Variants in ESR1 observed in about 807,000 individuals in gnomAD.
The protein encoded by ESR1 is estrogen receptor 1, also known as estrogen receptor.
In ESR1, 12 loss-of-function variants were observed where a neutral mutation model predicts 52.7. The ratio of observed to expected loss-of-function variants is 0.23; its 90% CI spans 0.15 to 0.37. The LOEUF (loss-of-function observed/expected upper bound fraction) is 0.37, where lower values mean the gene tolerates loss of function less well. Ranked by LOEUF, ESR1 falls within the 10% of genes least tolerant of loss-of-function variation. The probability of loss-of-function intolerance (pLI) is 1.00; values close to 1 mark genes in which losing one functional copy is unlikely to be tolerated. For synonymous variants in ESR1, 305 were observed against 316.8 expected, an observed-to-expected ratio of 0.96 and a Z score of 0.39; for missense variants, 584 against 779.7, an observed-to-expected ratio of 0.75 and a Z score of 2.99.
intron 2 of ESR1, among the ~76,000 whole-genome samples, chr6:151,750,977 A>G (rs1783859301): frequency 6.6e-6 from 1 of 152,258 alleles, no homozygotes; most frequent in Non-Finnish European, 1.5e-5. Flanking sequence ...AAAAGCAGAC[A>G]GCCTTGGAGA....
intron 2 of ESR1, among the ~76,000 whole-genome samples, chr6:151,793,228 A>G (rs938889302): frequency 6.6e-6 from 1 of 151,942 alleles, no homozygotes; most frequent in Non-Finnish European, 1.5e-5. Context: ...AGACACATGC[A>G]TTAGCCTAGG....
chr6:151,908,876 A>AT (rs397754522), intron 3 of ESR1, among the ~76,000 whole-genome samples: 10,595 of 144,570 alleles, frequency 0.073, 446 homozygotes, highest in African/African-American at 0.13. Context: ...GTTTAAAGCA[A>AT]TTTTTTTTTT....
chr6:152,005,608 A>G (rs546376822), intron 4 of ESR1, among the ~76,000 whole-genome samples: 1 of 152,204 alleles, frequency 6.6e-6, no homozygotes, highest in Non-Finnish European at 1.5e-5. Flanking sequence ...TTTATTGAGT[A>G]GCTACCATGG....
chr6:151,858,336 C>G (rs991944531), intron 2 of ESR1, among the ~76,000 whole-genome samples: 1 of 152,192 alleles, frequency 6.6e-6, no homozygotes, highest in African/African-American at 2.4e-5. Context: ...ATATTTCAGT[C>G]ACGCAGCCAG....
At chr6:152,005,636 T>TA (rs1380022736) in intron 4 of ESR1, among the ~76,000 whole-genome samples, 1 of 152,092 alleles carries the variant, frequency 6.6e-6, no homozygotes, top group Non-Finnish European at 1.5e-5. Flanking sequence ...GGACATCTGC[T>TA]AACCCCTTAA....
At chr6:151,731,093 G>A (rs1479249374) in intron 2 of ESR1, among the ~76,000 whole-genome samples, 1 of 152,114 alleles carries the variant, frequency 6.6e-6, no homozygotes, top group African/African-American at 2.4e-5. Context: ...CAGTGGCCAT[G>A]TCTGTAATCC....
chr6:151,744,514 T>C (rs1783339889), intron 2 of ESR1, among the ~76,000 whole-genome samples: 1 of 152,240 alleles, frequency 6.6e-6, no homozygotes, highest in Non-Finnish European at 1.5e-5. Context: ...TTGCATATCT[T>C]CCTTGAGAAA....
At chr6:151,890,169 C>G (rs1051324484) in intron 3 of ESR1, among the ~76,000 whole-genome samples, 4 of 151,608 alleles carry the variant, frequency 2.6e-5, no homozygotes, top group African/African-American at 9.7e-5. Flanking sequence ...ACTGCAACCT[C>G]CGCCTCCTGG....
At chr6:151,892,870 G>T (rs2128372395) in intron 3 of ESR1, among the ~76,000 whole-genome samples, 1 of 152,310 alleles carries the variant, frequency 6.6e-6, no homozygotes, top group South Asian at 2.1e-4. Flanking sequence ...CTATGATGAA[G>T]AGCAGAGGGA....
intron 5 of ESR1, among the ~76,000 whole-genome samples, chr6:152,052,695 G>T (rs998889260): frequency 2.6e-5 from 4 of 152,134 alleles, no homozygotes; most frequent in Admixed American, 6.5e-5. Flanking sequence ...ATAGTGGACT[G>T]CAGAGAAGTT....
intron 2 of ESR1, among the ~76,000 whole-genome samples, chr6:151,856,409 G>T (rs1787846426): frequency 6.6e-6 from 1 of 152,126 alleles, no homozygotes; most frequent in South Asian, 2.1e-4. Context: ...TTTATGAAAG[G>T]ATGTTTTTAA....
intron 6 of ESR1, among the ~76,000 whole-genome samples, chr6:152,074,305 G>C (rs1194441998): frequency 6.6e-6 from 1 of 152,032 alleles, no homozygotes; most frequent in African/African-American, 2.4e-5. Flanking sequence ...CCACAGTTTT[G>C]CCTTCTCCAG....
chr6:151,669,268 G>A (rs1267196732), intron 1 of ESR1, among the ~76,000 whole-genome samples: 1 of 148,880 alleles, frequency 6.7e-6, no homozygotes, highest in African/African-American at 2.5e-5. Flanking sequence ...TTTCTGGAAA[G>A]GGGGTAGTGT....
rs150342349 is a variant in ESR1, at chr6:151,990,313, A to G, written c.1097-21343A>G. ...ATCTGCATGTTATGTTAGAAAGAGT[A>G]GTGTTAGCTACCCTACCAAATTTAC... On this transcript the variant is annotated intron_variant, in intron 4 of 7. Transcript: ENST00000206249. Among the ~76,000 whole-genome samples, 7 of 152,142 alleles carry G rather than the reference A, an allele frequency of 4.6e-5. No homozygotes were observed. The East Asian group carries it at 9.7e-4, about 21-fold the overall frequency.
At chr6:151,847,806 G>A (rs2128242987) in intron 2 of ESR1, among the ~76,000 whole-genome samples, 1 of 147,124 alleles carries the variant, frequency 6.8e-6, no homozygotes, top group African/African-American at 2.5e-5. Flanking sequence ...TGGACATGAA[G>A]TCCTTGCCCA....
In ESR1 at chr6:151,967,195, T is replaced by A. The variant is rs79190467; in HGVS notation, c.1096+22687T>A. On this transcript the variant is annotated intron_variant, in intron 4 of 7. Transcript: ENST00000206249. ...TACTGCCAGAATGATCTCTTTTTTT[T>A]AATTATACTGTAAGTTCTGGGATAC... Among the ~76,000 whole-genome samples, 35 of 152,318 alleles carry A rather than the reference T, an allele frequency of 2.3e-4. No individual in the cohort carries two copies. The South Asian group carries it at 4.8e-3, about 21-fold the overall frequency.
chr6:151,842,896 AATCCCT>A (rs1784523766), intron 2 of ESR1, 109 bp downstream of exon 2: 9 of 897,370 alleles, frequency 1.0e-5, no homozygotes, highest in Non-Finnish European at 1.4e-5. Flanking sequence ...ACAAAACATG[AATCCCT>A]AGTAGGTCCA....
intron 5 of ESR1, among the ~76,000 whole-genome samples, chr6:152,018,894 C>G (rs1395339975): frequency 1.3e-5 from 2 of 151,330 alleles, no homozygotes; most frequent in African/African-American, 4.8e-5. Context: ...GGACTCTGTT[C>G]TGGGTTGTCT....
At chr6:151,958,225 C>T (rs1017734455) in intron 4 of ESR1, among the ~76,000 whole-genome samples, 6 of 152,058 alleles carry the variant, frequency 3.9e-5, no homozygotes, top group African/African-American at 7.2e-5. Flanking sequence ...AATATTCTGA[C>T]GTGGTGTCAA....
Sources: gnomAD v4.1 joint callset for allele counts (sites outside exome capture counted in the v4.1 genomes callset) on GRCh38, gnomAD v4.1.1 for gene constraint, MANE v1.5 for transcripts, NCBI Gene and HGNC (gene_info 2026-07-23, HGNC 2026-07-21) for gene names.